The following ANTXR2 variants were observed in gnomAD, a reference collection of about 807,000 sequenced individuals.
ANTXR2 encodes ANTXR cell adhesion molecule 2, also known as anthrax toxin receptor 2.
ANTXR2 carries 44 observed loss-of-function variants against 73.7 expected under a neutral mutation model. The observed-to-expected ratio is 0.60, with a 90% CI of 0.47 to 0.77. ANTXR2 has a LOEUF of 0.77. ANTXR2 is among the 30% of genes least tolerant of loss of function. The pLI, the probability that ANTXR2 is intolerant of heterozygous loss-of-function variation, is 0.00. For synonymous variants in ANTXR2, 217 were observed against 205.9 expected (o/e 1.05, Z -0.46); for missense variants, 604 against 592.5 (o/e 1.02, Z -0.20).
intron 10 of ANTXR2, among the ~76,000 whole-genome samples, chr4:80,029,598 T>C (rs868142399): frequency 3.3e-5 from 5 of 151,776 alleles, no homozygotes; most frequent in Non-Finnish European, 4.4e-5. Context: ...TAGCAGGAAG[T>C]AGAAACATAA....
At chr4:79,998,786 C>G (rs1730862996) in intron 12 of ANTXR2, among the ~76,000 whole-genome samples, 1 of 151,912 alleles carries the variant, frequency 6.6e-6, no homozygotes, top group South Asian at 2.1e-4. Context: ...AAGACATAAC[C>G]TCACAAAAAA....
chr4:79,956,518 T>C (rs1469855454), intron 16 of ANTXR2, among the ~76,000 whole-genome samples: 3 of 152,110 alleles, frequency 2.0e-5, no homozygotes, highest in Non-Finnish European at 2.9e-5. Context: ...CAATCATCTC[T>C]AGATCTCATA....
Position 79,990,398 on chromosome 4 carries a change from A to C in ANTXR2, c.1042-5535T>G, listed in dbSNP as rs376593964. On this transcript the variant is annotated intron_variant, in intron 12 of 16. Transcript: ENST00000403729. ...ACAACAGTTACAAAAAAAAAAAAAA[A>C]AAAACACCTTGTAATACAGCTAACC... is the stretch of plus-strand genomic sequence containing the variant. Among the ~76,000 whole-genome samples, 41 of 150,910 alleles carry C rather than the reference A, an allele frequency of 2.7e-4. No homozygotes were observed. In the Middle Eastern group the frequency reaches 0.01, roughly 38 times the overall value.
At position 79,910,770 on chromosome 4, in the gene ANTXR2, G is replaced by A. The variant is rs568578942; in HGVS notation, c.1429-3303C>T. On this transcript the variant is annotated intron_variant, in intron 16 of 16. Transcript: ENST00000403729. ...GTATGAATCTGAGGGAGAGAAAGAG[G>A]ATTACCAAGGAGAAAAACAGTGGAA... 1.8e-4 allele frequency among the ~76,000 whole-genome samples: 27 copies of A among 152,104 alleles called. No individual in the cohort carries two copies. In the South Asian group the frequency reaches 5.2e-3, roughly 29 times the overall value.
rs530332972 is a variant in ANTXR2 at position 80,052,787 on chromosome 4, A to T, written c.636+1485T>A. 6.6e-5 allele frequency among the ~76,000 whole-genome samples: 10 copies of T among 151,796 alleles called. No individual in the cohort carries two copies. In the East Asian group the frequency reaches 1.9e-3, roughly 30 times the overall value. On this transcript the variant is annotated intron_variant, in intron 7 of 16. Transcript: ENST00000403729. ...AAGAAAGGCCATACTTAGAAGTTAC[A>T]TTCTAGAGGTTCCCTAATAAAAATA...
chr4:79,984,855 C>T lies in ANTXR2; in HGVS notation c.1050G>A (p.Lys350=). 1 of 1,601,534 alleles carries T rather than the reference C, an allele frequency of 6.2e-7. No homozygotes were observed. The highest frequency in any genetic ancestry group is 8.5e-7 in the Non-Finnish European group (1 of 1,174,134). Residue 350 remains lysine, a synonymous_variant, in exon 13 of 17, where the codon AAG becomes AAA. Coordinates refer to ENST00000403729, the MANE Select transcript of ANTXR2 (RefSeq NM_058172.6). ...CAGGGGCGGGTGGTGGTGGAGGATC[C>T]TTAATAACCTGTCAAAAAAAATCAA... The part of the protein sequence containing the change: ...FWPLCCKVVI[K]DPPPPPAPAP...
chr4:80,040,893 C>T (rs1733210903), intron 7 of ANTXR2, among the ~76,000 whole-genome samples: 1 of 151,894 alleles, frequency 6.6e-6, no homozygotes, highest in Non-Finnish European at 1.5e-5. Context: ...AAATTATATA[C>T]CTTATTACCT....
chr4:80,041,299 C>T (rs1733235212), intron 7 of ANTXR2, among the ~76,000 whole-genome samples: 1 of 152,022 alleles, frequency 6.6e-6, no homozygotes, highest in African/African-American at 2.4e-5. Context: ...CAAAATCTAA[C>T]TCTTAACAAA....
intron 16 of ANTXR2, among the ~76,000 whole-genome samples, chr4:79,930,977 A>T (rs1481358708): frequency 2.0e-5 from 3 of 152,230 alleles, no homozygotes; most frequent in African/African-American, 7.2e-5. Context: ...AAGATTCTAC[A>T]GAATAATTTA....
At chr4:79,945,860 C>T (rs750837788) in intron 16 of ANTXR2, among the ~76,000 whole-genome samples, 1 of 152,022 alleles carries the variant, frequency 6.6e-6, no homozygotes, top group Admixed American at 6.6e-5. Flanking sequence ...GATATGCTCA[C>T]TGAATAATGG....
At chr4:79,931,924 C>CTTATTT (rs1728073104) in intron 16 of ANTXR2, among the ~76,000 whole-genome samples, 1 of 152,124 alleles carries the variant, frequency 6.6e-6, no homozygotes, top group African/African-American at 2.4e-5. Flanking sequence ...TCTTTATTTC[C>CTTATTT]TTATTTTTTT....
intron 14 of ANTXR2, among the ~76,000 whole-genome samples, chr4:79,983,457 G>T (rs1468302900): frequency 6.6e-6 from 1 of 152,082 alleles, no homozygotes; most frequent in Non-Finnish European, 1.5e-5. Context: ...CTCTATATTT[G>T]TGATAAAGTC....
intron 11 of ANTXR2, among the ~76,000 whole-genome samples, chr4:80,009,459 A>G (rs1304385021): frequency 1.3e-5 from 2 of 152,158 alleles, no homozygotes; most frequent in Non-Finnish European, 2.9e-5. Context: ...TATTTGTTTA[A>G]TTTATATTTT....
intron 3 of ANTXR2, among the ~76,000 whole-genome samples, chr4:80,061,136 T>C (rs1285297682): frequency 1.3e-5 from 2 of 152,098 alleles, no homozygotes; most frequent in Admixed American, 6.5e-5. Flanking sequence ...AAGAAAACAA[T>C]AGAGGAAACT....
At chr4:80,049,103 C>T (rs926947433) in intron 7 of ANTXR2, among the ~76,000 whole-genome samples, 1 of 144,174 alleles carries the variant, frequency 6.9e-6, no homozygotes, top group African/African-American at 2.5e-5. Flanking sequence ...TTTCTTTCTG[C>T]TTAATACTTT....
chr4:80,002,990 A>G (rs12510779), intron 12 of ANTXR2, among the ~76,000 whole-genome samples: 62,463 of 110,288 alleles, frequency 0.57, 20,977 homozygotes, highest in East Asian at 0.94. Flanking sequence ...AACCATTGTG[A>G]AAGTCAGTGT....
intron 12 of ANTXR2, among the ~76,000 whole-genome samples, chr4:79,992,541 A>G (rs888399121): frequency 1.3e-5 from 2 of 152,068 alleles, no homozygotes; most frequent in Admixed American, 6.6e-5. Flanking sequence ...TTTGGTAATC[A>G]TGAAAGATAA....
At position 79,925,258 on chromosome 4, in the gene ANTXR2, T is replaced by C. The variant is rs370336415; in HGVS notation, c.1429-17791A>G. ...CTATTTGGTGCTATTAAAAGTCGTT[T>C]TACAGACTTAAATTATAGTCACTCT... On this transcript the variant is annotated intron_variant, in intron 16 of 16. Coordinates refer to ENST00000403729, the MANE Select transcript of ANTXR2 (RefSeq NM_058172.6). 4.3e-4 allele frequency among the ~76,000 whole-genome samples: 65 copies of C among 150,362 alleles called. 1 individual carries two copies. Among genetic ancestry groups the C allele is most frequent in the African/African-American group, 1.4e-3 (59 of 41,156 alleles).
intron 7 of ANTXR2, among the ~76,000 whole-genome samples, chr4:80,052,391 A>G (rs990801568): frequency 6.6e-6 from 1 of 151,680 alleles, no homozygotes; most frequent in Admixed American, 6.6e-5. Context: ...AAAATACATG[A>G]AAGTTTACAT....
Sources: allele counts gnomAD v4.1 joint callset (sites outside exome capture counted in the v4.1 genomes callset), GRCh38; gene constraint gnomAD v4.1.1; transcripts MANE v1.5; gene names NCBI Gene and HGNC (gene_info 2026-07-23, HGNC 2026-07-21).